Variants in GPC6 observed in about 807,000 individuals in gnomAD.
GPC6 encodes glypican 6.
A neutral mutation model predicts 55.2 loss-of-function variants in GPC6; 14 were observed. The observed-to-expected ratio is 0.25, with a 90% CI of 0.17 to 0.40. The LOEUF is 0.40. Among genes scored for constraint, GPC6 ranks in the 10% least tolerant of loss-of-function variants. GPC6 has a pLI of 1.00. For synonymous variants in GPC6, 278 were observed against 259.6 expected (o/e 1.07, Z -0.68); for missense variants, 641 against 708.5 (o/e 0.90, Z 1.08).
intron 2 of GPC6, among the ~76,000 whole-genome samples, chr13:93,700,383 T>G (rs1882626769): frequency 4.6e-5 from 7 of 151,978 alleles, no homozygotes. Flanking sequence ...TCTACAGCAA[T>G]AGCCCTGGCA....
intron 1 of GPC6, among the ~76,000 whole-genome samples, chr13:93,390,786 TTTAA>T (rs2139217291): frequency 6.6e-6 from 1 of 152,104 alleles, no homozygotes; most frequent in African/African-American, 2.4e-5. Flanking sequence ...TTTCTTTTTG[TTTAA>T]TTACTGTCAT....
At chr13:93,237,027 A>ATATGAGTG (rs1876259089) in intron 1 of GPC6, among the ~76,000 whole-genome samples, 1 of 152,222 alleles carries the variant, frequency 6.6e-6, no homozygotes, top group Admixed American at 6.5e-5. Flanking sequence ...TGTGATAAAT[A>ATATGAGTG]TATGAGTGTA....
At chr13:93,830,063 G>A (rs772783322) in intron 2 of GPC6, 91 bp from the exon 3 acceptor site, 10 of 822,542 alleles carry the variant, frequency 1.2e-5, no homozygotes, top group African/African-American at 3.4e-5. Flanking sequence ...CCATGAAAAT[G>A]TCAATTAAAA....
At chr13:93,711,903 A>G (rs1883080696) in intron 2 of GPC6, among the ~76,000 whole-genome samples, 1 of 151,758 alleles carries the variant, frequency 6.6e-6, no homozygotes, top group Admixed American at 6.6e-5. Flanking sequence ...CAAGTACATT[A>G]TACATGGTTC....
intron 1 of GPC6, among the ~76,000 whole-genome samples, chr13:93,262,994 T>C (rs1877202731): frequency 2.6e-5 from 4 of 152,166 alleles, no homozygotes; most frequent in African/African-American, 9.7e-5. Flanking sequence ...TTGCTAGCTT[T>C]ATGGGTTTTT....
intron 4 of GPC6, among the ~76,000 whole-genome samples, chr13:94,038,921 C>T (rs1192763026): frequency 6.6e-6 from 1 of 151,934 alleles, no homozygotes; most frequent in African/African-American, 2.4e-5. Context: ...ACTGAAGTGA[C>T]AAGAGTAGAA....
intron 4 of GPC6, among the ~76,000 whole-genome samples, chr13:94,149,699 T>A (rs1257797474): frequency 6.6e-6 from 1 of 152,062 alleles, no homozygotes; most frequent in Non-Finnish European, 1.5e-5. Context: ...AAATGCTTAG[T>A]CAGAGGCTAA....
intron 3 of GPC6, among the ~76,000 whole-genome samples, chr13:93,868,718 A>G (rs1274669627): frequency 6.6e-6 from 1 of 151,834 alleles, no homozygotes; most frequent in East Asian, 2.0e-4. Flanking sequence ...TCATACTATT[A>G]ATATTATTTG....
chr13:93,753,732 A>AC (rs1884677323), intron 2 of GPC6, among the ~76,000 whole-genome samples: 1 of 151,148 alleles, frequency 6.6e-6, no homozygotes, highest in Admixed American at 6.6e-5. Flanking sequence ...TCCACCAACC[A>AC]CCCACCACCC....
chr13:93,414,900 G>T (rs1459984226), intron 1 of GPC6, among the ~76,000 whole-genome samples: 1 of 152,076 alleles, frequency 6.6e-6, no homozygotes, highest in African/African-American at 2.4e-5. Context: ...AATAACAAAT[G>T]ATGACAATGA....
chr13:93,599,946 A>T (rs1017484048), intron 2 of GPC6, among the ~76,000 whole-genome samples: 2 of 152,180 alleles, frequency 1.3e-5, no homozygotes, highest in Admixed American at 6.5e-5. Flanking sequence ...ATGTTAACCT[A>T]CAGGTGTTCT....
At chr13:94,045,434 G>A (rs1347947089) in intron 4 of GPC6, among the ~76,000 whole-genome samples, 1 of 151,762 alleles carries the variant, frequency 6.6e-6, no homozygotes, top group African/African-American at 2.4e-5. Flanking sequence ...TTGCTAAGAT[G>A]ATCAAGTGTT....
intron 5 of GPC6, among the ~76,000 whole-genome samples, chr13:94,288,855 T>C (rs55907964): frequency 0.011 from 189 of 16,754 alleles, 1 homozygote; most frequent in Non-Finnish European, 0.016. Flanking sequence ...ATATATATAA[T>C]AAATATATAT....
intron 3 of GPC6, among the ~76,000 whole-genome samples, chr13:93,917,015 G>C (rs1462450994): frequency 6.6e-6 from 1 of 151,962 alleles, no homozygotes; most frequent in African/African-American, 2.4e-5. Context: ...TTTCCTTGTA[G>C]TTTTTCTAAT....
chr13:93,531,878 C>G (rs971667312), intron 1 of GPC6, among the ~76,000 whole-genome samples: 3 of 152,140 alleles, frequency 2.0e-5, no homozygotes, highest in Non-Finnish European at 4.4e-5. Flanking sequence ...CCACCACCCT[C>G]ATTTCCTGCT....
At position 93,293,096 on chromosome 13, in the gene GPC6, CCTCCATCTCCCAA is replaced by C. The variant is rs527493238; in HGVS notation, c.160+65481_160+65493del. 3.3e-3 allele frequency among the ~76,000 whole-genome samples: 503 copies of C among 152,214 alleles called. 3 individuals are homozygous for C. Among genetic ancestry groups the C allele is most frequent in the African/African-American group, 0.011 (458 of 41,534 alleles). ...CTCCAGGGCTCAAGCCATCCTCCCA[CCTCCATCTCCCAA>C]GTAGCTGGAACTACAGGCACACACC... is the stretch of plus-strand genomic sequence containing the variant. On this transcript the variant is annotated intron_variant, in intron 1 of 8. Transcript: ENST00000377047.
At chr13:94,281,745 A>G (rs1892389503) in intron 4 of GPC6, among the ~76,000 whole-genome samples, 1 of 152,206 alleles carries the variant, frequency 6.6e-6, no homozygotes, top group African/African-American at 2.4e-5. Context: ...CAATACTTAG[A>G]CAAAAATCAG....
intron 2 of GPC6, among the ~76,000 whole-genome samples, chr13:93,820,905 G>A (rs562161984): frequency 2.6e-5 from 4 of 152,100 alleles, no homozygotes; most frequent in African/African-American, 9.7e-5. Flanking sequence ...TGAGTGCATT[G>A]TGGAGTTTTC....
chr13:93,639,593 T>C (rs1879828721), intron 2 of GPC6, among the ~76,000 whole-genome samples: 1 of 152,120 alleles, frequency 6.6e-6, no homozygotes, highest in Non-Finnish European at 1.5e-5. Flanking sequence ...TATGGGGTGA[T>C]GAAGGTCCTG....
Sources: gnomAD v4.1 joint callset for allele counts (sites outside exome capture counted in the v4.1 genomes callset) on GRCh38, gnomAD v4.1.1 for gene constraint, MANE v1.5 for transcripts, NCBI Gene and HGNC (gene_info 2026-07-23, HGNC 2026-07-21) for gene names.